RAB11A: variants seen among roughly 807,000 people sequenced by gnomAD.
RAB11A encodes the protein ras-related protein Rab-11A.
RAB11A carries 9 observed loss-of-function variants against 28.0 expected under a neutral mutation model. That is an observed-to-expected ratio of 0.32 (90% CI 0.19 to 0.56). The LOEUF (loss-of-function observed/expected upper bound fraction) is 0.56. Ranked by LOEUF, RAB11A falls within the 20% of genes least tolerant of loss-of-function variation. The pLI, the probability that RAB11A is intolerant of heterozygous loss-of-function variation, is 0.91. For synonymous variants in RAB11A, 85 were observed against 88.2 expected (o/e 0.96, Z 0.20); for missense variants, 108 against 269.6 (o/e 0.40, Z 4.20).
At chr15:65,882,661 A>AC (rs768305415) in intron 4 of RAB11A, among the ~76,000 whole-genome samples, 7 of 152,154 alleles carry the variant, frequency 4.6e-5, no homozygotes, top group Non-Finnish European at 7.3e-5. Context: ...TTCAGAATAG[A>AC]CCCATGGCAT....
At position 65,889,997 on chromosome 15, in the gene RAB11A, C is replaced by T. The variant is rs1596795506; in HGVS notation, c.*2157C>T. The T allele has an allele frequency of 6.6e-6, 1 of 151,614 alleles. No individual in the cohort carries two copies. The highest frequency in any genetic ancestry group is 2.1e-4 in the South Asian group (1 of 4,804). The allele number at this position is 151,614 out of a possible 1,614,324, so 9.4% of individuals were successfully genotyped here. ...TTTTAAATATTATGACAGTTCAGGGCTTAAGGCAGTTTAGAAGTATTTTGC... is the reference window on the plus strand; with the variant it reads ...TTTTAAATATTATGACAGTTCAGGGTTTAAGGCAGTTTAGAAGTATTTTGC... On this transcript the variant is annotated 3_prime_UTR_variant, in exon 5 of 5. Coordinates refer to ENST00000261890, the MANE Select transcript of RAB11A (RefSeq NM_004663.5).
At chr15:65,874,735 G>A (rs1175537602) in intron 1 of RAB11A, among the ~76,000 whole-genome samples, 1 of 152,038 alleles carries the variant, frequency 6.6e-6, no homozygotes, top group East Asian at 1.9e-4. Flanking sequence ...TCAAAAGGGA[G>A]GAAACCAAAA....
At chr15:65,879,421 G>GA (rs944640099) in intron 3 of RAB11A, among the ~76,000 whole-genome samples, 5 of 150,948 alleles carry the variant, frequency 3.3e-5, no homozygotes, top group Admixed American at 1.3e-4. Flanking sequence ...GGAGGCAGGA[G>GA]AAACTCTTGA....
intron 1 of RAB11A, among the ~76,000 whole-genome samples, chr15:65,870,455 CCTTTT>C (rs972995592): frequency 6.6e-6 from 1 of 152,224 alleles, no homozygotes; most frequent in Non-Finnish European, 1.5e-5. Flanking sequence ...TCCCACCTAG[CCTTTT>C]CTTTTCTTGC....
Position 65,869,614 on chromosome 15 carries a change from A to G in RAB11A, c.29A>G (p.Tyr10Cys). ...GGCACCCGCGACGACGAGTACGACT[A>G]CCTCTTTAAAGGTGAGGCCATGGGC... MGTRDDEYD[Y>C]LFKVVLIGDS... is the part of the protein sequence containing the mutation. The change falls in exon 1 of 5, where the codon TAC (tyrosine) becomes TGC (cysteine). Residue 10 changes from tyrosine (Y) to cysteine (C), a missense_variant. Physicochemically the swap from Tyr to Cys is radical, Grantham distance 194 (BLOSUM62 -2). This residue lies in a region of RAB11A where 23 missense variants were observed against 123.7 expected (regional missense o/e 0.19). Coordinates refer to ENST00000261890, the MANE Select transcript of RAB11A (RefSeq NM_004663.5). 1.2e-6 allele frequency: 2 copies of G among 1,611,374 alleles called. No individual in the cohort carries two copies. Among genetic ancestry groups the G allele is most frequent in the Non-Finnish European group, 1.7e-6 (2 of 1,179,810 alleles).
At chr15:65,874,994 G>A (rs892464709) in intron 1 of RAB11A, among the ~76,000 whole-genome samples, 1 of 152,148 alleles carries the variant, frequency 6.6e-6, no homozygotes, top group Non-Finnish European at 1.5e-5. Flanking sequence ...GCTGCAGTGG[G>A]CTCTGCTTGT....
chr15:65,871,918 A>AG (rs1294660772), intron 1 of RAB11A, among the ~76,000 whole-genome samples: 1 of 109,308 alleles, frequency 9.1e-6, no homozygotes, highest in Non-Finnish European at 1.9e-5. Context: ...TGGTTTTGTC[A>AG]GTTTTTTTTT....
chr15:65,872,336 C>T (rs946428422), intron 1 of RAB11A, among the ~76,000 whole-genome samples: 1 of 151,236 alleles, frequency 6.6e-6, no homozygotes, highest in African/African-American at 2.4e-5. Flanking sequence ...CTAGGAACTT[C>T]GAATGCATTT....
chr15:65,887,918 G>A lies in RAB11A; in HGVS notation c.*78G>A. The A allele has an allele frequency of 7.4e-7, 1 of 1,357,280 alleles. No homozygotes were observed. Among genetic ancestry groups the A allele is most frequent in the Non-Finnish European group, 9.7e-7 (1 of 1,033,080 alleles). The allele number at this position is 1,357,280 out of a possible 1,614,324, so 84.1% of individuals were successfully genotyped here. ...AGATTTAAATATATTTGTAATTCTT[G>A]TGTCACTTTTGTGTTTTATTACTTC... On this transcript the variant is annotated 3_prime_UTR_variant, in exon 5 of 5. Coordinates refer to ENST00000261890, the MANE Select transcript of RAB11A (RefSeq NM_004663.5).
intron 4 of RAB11A, among the ~76,000 whole-genome samples, chr15:65,880,941 G>T (rs1268255849): frequency 6.6e-6 from 1 of 152,042 alleles, no homozygotes; most frequent in Non-Finnish European, 1.5e-5. Context: ...AGCAAAGAAT[G>T]GTCTGTCACT....
intron 4 of RAB11A, among the ~76,000 whole-genome samples, chr15:65,883,541 A>G (rs928402063): frequency 6.6e-6 from 1 of 152,182 alleles, no homozygotes; most frequent in African/African-American, 2.4e-5. Context: ...GATGTCTGCT[A>G]GGTTTCTCCA....
At position 65,874,408 on chromosome 15, in the gene RAB11A, A is replaced by C. The variant is rs2078180191; in HGVS notation, c.41-2924A>C. ...GGGCATGCGCCACCACACCTGGCTA[A>C]TTTTGTGTTTTTAGTAGAGATGAGG... On this transcript the variant is annotated intron_variant, in intron 1 of 4. Coordinates refer to ENST00000261890, the MANE Select transcript of RAB11A (RefSeq NM_004663.5). Among the ~76,000 whole-genome samples, 3 of 151,838 alleles carry C rather than the reference A, an allele frequency of 2.0e-5. No homozygotes were observed. In the South Asian group the frequency reaches 6.2e-4, roughly 32 times the overall value.
intron 4 of RAB11A, 46 bp from the exon 5 acceptor site, chr15:65,887,655 G>T: frequency 6.5e-7 from 1 of 1,535,252 alleles, no homozygotes; most frequent in Non-Finnish European, 8.8e-7. Context: ...TCCTAACTAT[G>T]ATAGGTTTAT....
At chr15:65,880,650 T>C (rs75138296) in intron 4 of RAB11A, among the ~76,000 whole-genome samples, 1,816 of 152,310 alleles carry the variant, frequency 0.012, 44 homozygotes, top group African/African-American at 0.041. Flanking sequence ...TTTAACATGT[T>C]ATCTTCTTTT....
Position 65,869,713 on chromosome 15 carries a change from AC to A in RAB11A, c.40+89del, listed in dbSNP as rs547941884. ...GGACCCTCGTGCCGGCCACCCCTGC[AC>A]TGATATAGGCCTCCCTCAGCCCTTC... On this transcript the variant is annotated intron_variant, in intron 1 of 4. Transcript: ENST00000261890. 2.9e-6 allele frequency: 4 copies of A among 1,396,296 alleles called. No individual in the cohort carries two copies. In the South Asian group the frequency reaches 4.8e-5, roughly 17 times the overall value. 86.5% of individuals were successfully genotyped at this position (1,396,296 alleles called of 1,614,324 possible).
intron 4 of RAB11A, among the ~76,000 whole-genome samples, chr15:65,887,277 G>A (rs932197498): frequency 6.6e-6 from 1 of 151,744 alleles, no homozygotes; most frequent in Non-Finnish European, 1.5e-5. Flanking sequence ...GGGTTCAAGT[G>A]ATTCTCCTGC....
chr15:65,882,351 C>G (rs1159457076), intron 4 of RAB11A, among the ~76,000 whole-genome samples: 1 of 152,188 alleles, frequency 6.6e-6, no homozygotes, highest in East Asian at 1.9e-4. Context: ...ATAGAGAAAA[C>G]AGTGAAGAGG....
Position 65,877,151 on chromosome 15 carries a change from G to C in RAB11A, c.41-181G>C, listed in dbSNP as rs925751525. Among the ~76,000 whole-genome samples, 1 of 152,220 alleles carries C rather than the reference G, an allele frequency of 6.6e-6. No homozygotes were observed. On this transcript the variant is annotated intron_variant, in intron 1 of 4. Coordinates refer to ENST00000261890, the MANE Select transcript of RAB11A (RefSeq NM_004663.5). The surrounding 1 kb of genome is among the most constrained non-coding windows in gnomAD (Gnocchi z 4.1). The stretch of plus-strand genomic sequence containing the variant: ...TTGAAAAGAATAAATCGGTTTTATT[G>C]ATTGGTAACTGGTCAAGAACATGCT...
chr15:65,884,964 T>G (rs886099251), intron 4 of RAB11A, among the ~76,000 whole-genome samples: 1 of 137,858 alleles, frequency 7.3e-6, no homozygotes, highest in Non-Finnish European at 1.6e-5. Context: ...GCCCCCACCG[T>G]TTTTTTTTTT....
Sources: gnomAD v4.1 joint callset for allele counts (sites outside exome capture counted in the v4.1 genomes callset) on GRCh38, gnomAD v4.1.1 for gene constraint, gnomAD v4.1.1 regional missense constraint, Gnocchi (gnomAD v3.1) non-coding constraint, MANE v1.5 for transcripts, NCBI Gene and HGNC (gene_info 2026-07-23, HGNC 2026-07-21) for gene names.